PDPK1: variants seen among roughly 807,000 people sequenced by gnomAD.
PDPK1 encodes 3-phosphoinositide dependent protein kinase 1.
PDPK1 carries 7 observed loss-of-function variants against 39.8 expected under a neutral mutation model. The ratio of observed to expected loss-of-function variants is 0.18; its 90% CI spans 0.10 to 0.33. The LOEUF is 0.33. PDPK1 is among the 10% of genes least tolerant of loss of function. The pLI, the probability that PDPK1 is intolerant of heterozygous loss-of-function variation, is 1.00. For missense variants in PDPK1, 182 were observed against 384.7 expected (o/e 0.47, Z 4.41); for synonymous variants, 118 against 159.1 (o/e 0.74, Z 1.95).
At chr16:2,592,115 G>A (rs1271207378) in intron 11 of PDPK1, among the ~76,000 whole-genome samples, 7 of 152,370 alleles carry the variant, frequency 4.6e-5, no homozygotes, top group African/African-American at 1.4e-4. Context: ...GGCGTGGCAG[G>A]TGCTTTGCCA....
chr16:2,598,262 T>G lies in PDPK1; in HGVS notation c.*495T>G, dbSNP rs181078294. The G allele has an allele frequency of 2.1e-3, 498 of 234,300 alleles. 4 individuals carry two copies. Among genetic ancestry groups the G allele is most frequent in the African/African-American group, 0.01 (469 of 45,470 alleles). The allele number at this position is 234,300 out of a possible 1,614,324, so 14.5% of individuals were successfully genotyped here. ...AGGGAGCCCTGCGGGGGCCGCAGCT[T>G]TGTGGAGGGAGCCGCCGTGCTTCTG... On this transcript the variant is annotated 3_prime_UTR_variant, in exon 14 of 14. Transcript: ENST00000342085.
intron 10 of PDPK1, among the ~76,000 whole-genome samples, chr16:2,585,605 T>C (rs745945963): frequency 6.6e-6 from 1 of 152,080 alleles, no homozygotes; most frequent in Non-Finnish European, 1.5e-5. Flanking sequence ...CATTGGGCAG[T>C]GTTGGAGACA....
At chr16:2,589,476 C>T (rs1416275250) in intron 11 of PDPK1, among the ~76,000 whole-genome samples, 1 of 151,938 alleles carries the variant, frequency 6.6e-6, no homozygotes, top group East Asian at 1.9e-4. Context: ...ATCACTTGAG[C>T]CAGGAATTCG....
At position 2,598,203 on chromosome 16, in the gene PDPK1, C is replaced by G. The variant is rs2067142470; in HGVS notation, c.*436C>G. ...CCGGGTGTGTTTGGCTCTTTATGCC[C>G]CTCCCGCTGTGGTCCTGGAACTCTT... On this transcript the variant is annotated 3_prime_UTR_variant, in exon 14 of 14. Coordinates refer to ENST00000342085, the MANE Select transcript of PDPK1 (RefSeq NM_002613.5). 4.2e-6 allele frequency: 1 copy of G among 238,422 alleles called. No homozygotes were observed. Among genetic ancestry groups the G allele is most frequent in the Non-Finnish European group, 8.2e-6 (1 of 121,556 alleles). The allele number at this position is 238,422 out of a possible 1,614,324, so 14.8% of individuals were successfully genotyped here.
At chr16:2,592,640 C>T (rs1373676451) in intron 11 of PDPK1, 1 of 387,246 alleles carries the variant, frequency 2.6e-6, no homozygotes, top group Non-Finnish European at 5.1e-6. Flanking sequence ...GTGCCATTGC[C>T]CTCCAGACTG....
rs140811835 is a variant in PDPK1 at position 2,584,968 on chromosome 16, C to G, written c.1125+1383C>G. 1.9e-3 allele frequency among the ~76,000 whole-genome samples: 292 copies of G among 152,360 alleles called. 1 individual carries two copies. The highest frequency in any genetic ancestry group is 6.6e-3 in the African/African-American group (276 of 41,590). On this transcript the variant is annotated intron_variant, in intron 10 of 13. Coordinates refer to ENST00000342085, the MANE Select transcript of PDPK1 (RefSeq NM_002613.5). ...AGGTGCCACGGGGCTGCAGTGCTCTCCCTGCTGGGCCTGCTGTTGCTGCAG... is the reference window on the plus strand; with the variant it reads ...AGGTGCCACGGGGCTGCAGTGCTCTGCCTGCTGGGCCTGCTGTTGCTGCAG...
Position 2,598,255 on chromosome 16 carries a change from C to G in PDPK1, c.*488C>G, listed in dbSNP as rs758382220. The G allele has an allele frequency of 4.3e-6, 1 of 234,568 alleles. No homozygotes were observed. Among genetic ancestry groups the G allele is most frequent in the Non-Finnish European group, 8.4e-6 (1 of 118,906 alleles). The allele number at this position is 234,568 out of a possible 1,614,324, so 14.5% of individuals were successfully genotyped here. A position where few individuals can be genotyped will look rare whatever the true frequency, so the allele number is the denominator to read the frequency against. ...ACCAGGGAGGGAGCCCTGCGGGGGC[C>G]GCAGCTTTGTGGAGGGAGCCGCCGT... On this transcript the variant is annotated 3_prime_UTR_variant, in exon 14 of 14. Transcript: ENST00000342085.
intron 1 of PDPK1, among the ~76,000 whole-genome samples, chr16:2,546,521 A>G (rs1482508532): frequency 6.6e-6 from 1 of 152,152 alleles, no homozygotes; most frequent in Non-Finnish European, 1.5e-5. Context: ...TTTAGTAGAG[A>G]TGGGGTTTCA....
rs567030364 is a variant in PDPK1 at position 2,597,777 on chromosome 16, C to T, written c.*10C>T. ...CGCCGCTGTGCAGTGACGTGGCCTG[C>T]GGCCGGGCTGCCCTTCGCTGCCAGG... On this transcript the variant is annotated 3_prime_UTR_variant, in exon 14 of 14. Coordinates refer to ENST00000342085, the MANE Select transcript of PDPK1 (RefSeq NM_002613.5). This position sits in a 1 kb window ranked among gnomAD's most constrained non-coding sequence, Gnocchi z 6.3. The T allele has an allele frequency of 6.9e-5, 109 of 1,588,208 alleles. No homozygotes were observed. The highest frequency in any genetic ancestry group is 2.2e-4 in the Middle Eastern group (1 of 4,540).
chr16:2,586,939 G>T, intron 11 of PDPK1, 46 bp downstream of exon 11: 1 of 1,523,004 alleles, frequency 6.6e-7, no homozygotes, highest in South Asian at 1.1e-5. Flanking sequence ...GAATTGCAGC[G>T]TGAACACGTG....
Position 2,599,773 on chromosome 16 carries a change from T to G in PDPK1, c.*2006T>G, listed in dbSNP as rs1271448105. 47 of 233,624 alleles carry G rather than the reference T, an allele frequency of 2.0e-4. No individual in the cohort carries two copies. The highest frequency in any genetic ancestry group is 9.7e-4 in the African/African-American group (44 of 45,378). 14.5% of individuals were successfully genotyped at this position (233,624 alleles called of 1,614,324 possible). A position where few individuals can be genotyped will look rare whatever the true frequency, so the allele number is the denominator to read the frequency against. ...GTGTCTCCATGTAGGAGAGTGGCTC[T>G]CTCAGATCTCTCAGGGCGTCTGGTT... On this transcript the variant is annotated 3_prime_UTR_variant, in exon 14 of 14. Coordinates refer to ENST00000342085, the MANE Select transcript of PDPK1 (RefSeq NM_002613.5).
At chr16:2,584,951 C>T (rs1432582184) in intron 10 of PDPK1, among the ~76,000 whole-genome samples, 3 of 152,210 alleles carry the variant, frequency 2.0e-5, no homozygotes, top group Non-Finnish European at 4.4e-5. Flanking sequence ...GCAGGTGCCA[C>T]GGGGCTGCAG....
intron 7 of PDPK1, among the ~76,000 whole-genome samples, chr16:2,577,973 G>A (rs2066749015): frequency 6.7e-6 from 1 of 148,270 alleles, no homozygotes; most frequent in Non-Finnish European, 1.5e-5. Context: ...TCTTGAGCTC[G>A]TGATCTGCCA....
chr16:2,586,246 GC>G (rs2066872427), intron 10 of PDPK1, among the ~76,000 whole-genome samples: 1 of 152,228 alleles, frequency 6.6e-6, no homozygotes. Context: ...GACACCTGGG[GC>G]CCAACAAGGT....
At chr16:2,578,051 G>T (rs1302834039) in intron 7 of PDPK1, among the ~76,000 whole-genome samples, 1 of 148,932 alleles carries the variant, frequency 6.7e-6, no homozygotes, top group Non-Finnish European at 1.5e-5. Flanking sequence ...CGTTTCTTTG[G>T]GAAAAACTAT....
chr16:2,591,186 C>G (rs191401704), intron 11 of PDPK1, among the ~76,000 whole-genome samples: 8 of 152,274 alleles, frequency 5.3e-5, no homozygotes. Context: ...TGGTCTCAAA[C>G]TCCTGACCTC....
chr16:2,539,327 G>T (rs2066200327), intron 1 of PDPK1: 1 of 152,952 alleles, frequency 6.5e-6, no homozygotes, highest in African/African-American at 2.4e-5. Flanking sequence ...TGATCTGCCC[G>T]CCTCGTCCTC....
intron 1 of PDPK1, among the ~76,000 whole-genome samples, chr16:2,542,388 G>A (rs2066260693): frequency 6.6e-6 from 1 of 152,094 alleles, no homozygotes; most frequent in Non-Finnish European, 1.5e-5. Flanking sequence ...CAAACTTCTG[G>A]TCTCAAGGGA....
chr16:2,539,078 C>CTTTT lies in PDPK1; in HGVS notation c.24+959_24+962dup, dbSNP rs57517702. 9.9e-3 allele frequency: 1,447 copies of CTTTT among 146,220 alleles called. 66 individuals carry two copies. Among genetic ancestry groups the CTTTT allele is most frequent in the African/African-American group, 0.044 (1,313 of 30,054 alleles). The allele number at this position is 146,220 out of a possible 1,614,324, so 9.1% of individuals were successfully genotyped here. A position where few individuals can be genotyped will look rare whatever the true frequency, so the allele number is the denominator to read the frequency against. The stretch of plus-strand genomic sequence containing the variant: ...TGATCCCGTGTCTTCCAGGATGCGG[C>CTTTT]TTTTTTTTTTTTTTTTTTTTGATGG... On this transcript the variant is annotated intron_variant, in intron 1 of 13. Transcript: ENST00000342085.
Sources: gnomAD v4.1 joint callset for allele counts (sites outside exome capture counted in the v4.1 genomes callset) on GRCh38, gnomAD v4.1.1 for gene constraint, Gnocchi (gnomAD v3.1) non-coding constraint, MANE v1.5 for transcripts, NCBI Gene and HGNC (gene_info 2026-07-23, HGNC 2026-07-21) for gene names.